YPEL1: variants seen among roughly 807,000 people sequenced by gnomAD.
YPEL1 encodes yippee like 1.
YPEL1 carries 7 observed loss-of-function variants against 17.3 expected under a neutral mutation model. The observed-to-expected ratio is 0.40, with a 90% CI of 0.23 to 0.76. The LOEUF (loss-of-function observed/expected upper bound fraction) is 0.76. YPEL1 is among the 30% of genes least tolerant of loss of function. The probability of loss-of-function intolerance (pLI) is 0.35; values close to 1 mark genes in which losing one functional copy is unlikely to be tolerated. For synonymous variants in YPEL1, 59 were observed against 59.6 expected (o/e 0.99, Z 0.05); for missense variants, 91 against 155.5 (o/e 0.59, Z 2.21).
intron 1 of YPEL1, among the ~76,000 whole-genome samples, chr22:21,719,750 G>A (rs548757648): frequency 1.3e-5 from 2 of 151,936 alleles, no homozygotes; most frequent in African/African-American, 2.4e-5. Context: ...CCAGGCGGCC[G>A]GACGCGGTGG....
Position 21,703,277 on chromosome 22 carries a change from G to A in YPEL1, c.270+93C>T. ...GGGGTTTCTGAAAGTGCTGTGACTG[G>A]TACCATGGGCCACACTGCACGGGGA... On this transcript the variant is annotated intron_variant, in intron 4 of 4. Transcript: ENST00000339468. The surrounding 1 kb of genome is among the most constrained non-coding windows in gnomAD (Gnocchi z 6.1). 1 of 1,112,978 alleles carries A rather than the reference G, an allele frequency of 9.0e-7. No individual in the cohort carries two copies. Among genetic ancestry groups the A allele is most frequent in the Non-Finnish European group, 1.3e-6 (1 of 742,368 alleles). The allele number at this position is 1,112,978 out of a possible 1,614,324, so 68.9% of individuals were successfully genotyped here.
chr22:21,716,198 C>T (rs989622623), intron 1 of YPEL1, among the ~76,000 whole-genome samples: 8 of 152,064 alleles, frequency 5.3e-5, no homozygotes, highest in Admixed American at 6.6e-5. Context: ...AGTGAGCCAC[C>T]GCGCCCAGAC....
intron 2 of YPEL1, 183 bp downstream of exon 2, chr22:21,710,445 G>C: frequency 1.6e-6 from 1 of 625,798 alleles, no homozygotes; most frequent in South Asian, 1.9e-5. Flanking sequence ...TCACATCTGA[G>C]ATCGTGGCAC....
chr22:21,703,499 C>A lies in YPEL1; in HGVS notation c.162-21G>T. The A allele has an allele frequency of 6.3e-7, 1 of 1,597,778 alleles. No individual in the cohort carries two copies. The highest frequency in any genetic ancestry group is 1.1e-5 in the South Asian group (1 of 90,934). ...TCACCCTGCGGGGACAGAGGGGCCACTGCGCTGCAGGCCCGGCCCGCCCCT... is the reference window on the plus strand; with the variant it reads ...TCACCCTGCGGGGACAGAGGGGCCAATGCGCTGCAGGCCCGGCCCGCCCCT... On this transcript the variant is annotated intron_variant, in intron 3 of 4. Transcript: ENST00000339468. This position sits in a 1 kb window ranked among gnomAD's most constrained non-coding sequence, Gnocchi z 6.1.
At chr22:21,733,768 C>T (rs2148617508) in intron 1 of YPEL1, among the ~76,000 whole-genome samples, 1 of 151,962 alleles carries the variant, frequency 6.6e-6, no homozygotes, top group East Asian at 1.9e-4. Context: ...AACAAACCAA[C>T]AAAAAAAGAA....
At chr22:21,702,885 T>C (rs1401601868) in intron 4 of YPEL1, among the ~76,000 whole-genome samples, 1 of 151,892 alleles carries the variant, frequency 6.6e-6, no homozygotes, top group Non-Finnish European at 1.5e-5. Flanking sequence ...GGAGAGGAGG[T>C]GGCGATTGCA....
chr22:21,698,324 C>G lies in YPEL1; in HGVS notation c.*2805G>C, dbSNP rs529401630. The G allele has an allele frequency of 5.3e-5, 8 of 150,962 alleles. No homozygotes were observed. In the South Asian group the frequency reaches 1.7e-3, roughly 32 times the overall value. The allele number at this position is 150,962 out of a possible 1,614,324, so 9.4% of individuals were successfully genotyped here. On this transcript the variant is annotated 3_prime_UTR_variant, in exon 5 of 5. Transcript: ENST00000339468. ...GTAAAAAATGTTCAATCAATGCCGTCACAAAAGACAGTACAAAAACCAAAG... is the reference window on the plus strand; with the variant it reads ...GTAAAAAATGTTCAATCAATGCCGTGACAAAAGACAGTACAAAAACCAAAG...
At chr22:21,735,342 G>A (rs2068425702) in intron 1 of YPEL1, among the ~76,000 whole-genome samples, 1 of 152,138 alleles carries the variant, frequency 6.6e-6, no homozygotes, top group Non-Finnish European at 1.5e-5. Flanking sequence ...TTCACGGCGG[G>A]GCGGGAGAAG....
At chr22:21,705,763 G>A (rs947154785) in intron 2 of YPEL1, among the ~76,000 whole-genome samples, 3 of 151,400 alleles carry the variant, frequency 2.0e-5, no homozygotes, top group East Asian at 1.9e-4. Context: ...GATTGCTTGA[G>A]CTCAGGAGTT....
chr22:21,719,058 C>T (rs749046688), intron 1 of YPEL1, among the ~76,000 whole-genome samples: 1 of 152,158 alleles, frequency 6.6e-6, no homozygotes, highest in Non-Finnish European at 1.5e-5. Flanking sequence ...AACTACTGGG[C>T]CCTTCATGAA....
At position 21,700,952 on chromosome 22, in the gene YPEL1, G is replaced by A. The variant is rs2068059084; in HGVS notation, c.*177C>T. On this transcript the variant is annotated 3_prime_UTR_variant, in exon 5 of 5. Coordinates refer to ENST00000339468, the MANE Select transcript of YPEL1 (RefSeq NM_013313.5). ...TCAGAAACAACTGTGTACACGAAGA[G>A]GACAGATCCGAGGGACACCTTACCC... The A allele has an allele frequency of 5.4e-6, 3 of 556,710 alleles. No individual in the cohort carries two copies. The highest frequency in any genetic ancestry group is 1.9e-5 in the African/African-American group (1 of 53,218). The allele number at this position is 556,710 out of a possible 1,614,324, so 34.5% of individuals were successfully genotyped here.
chr22:21,724,825 C>T (rs560381036), intron 1 of YPEL1, among the ~76,000 whole-genome samples: 2 of 152,184 alleles, frequency 1.3e-5, no homozygotes, highest in African/African-American at 4.8e-5. Flanking sequence ...GGCCATCCAC[C>T]CACCTTGGCC....
intron 1 of YPEL1, among the ~76,000 whole-genome samples, chr22:21,718,383 T>C (rs984561229): frequency 6.6e-6 from 1 of 151,654 alleles, no homozygotes; most frequent in Non-Finnish European, 1.5e-5. Context: ...GAGAATGGCG[T>C]GAACTCAGGA....
intron 1 of YPEL1, among the ~76,000 whole-genome samples, chr22:21,718,280 A>G (rs1171186547): frequency 2.0e-5 from 3 of 151,810 alleles, no homozygotes; most frequent in South Asian, 2.1e-4. Context: ...TGGCTAACAC[A>G]ATGAAACCCC....
At chr22:21,718,019 T>C (rs1187361719) in intron 1 of YPEL1, among the ~76,000 whole-genome samples, 1 of 151,376 alleles carries the variant, frequency 6.6e-6, no homozygotes, top group Non-Finnish European at 1.5e-5. Flanking sequence ...TGGTCCCAGC[T>C]ACTAGGGAGG....
rs1300386106 is a variant in YPEL1, at chr22:21,698,041, A to G, written c.*3088T>C. 1 of 152,292 alleles carries G rather than the reference A, an allele frequency of 6.6e-6. No individual in the cohort carries two copies. Among genetic ancestry groups the G allele is most frequent in the African/African-American group, 2.4e-5 (1 of 41,424 alleles). The allele number at this position is 152,292 out of a possible 1,614,324, so 9.4% of individuals were successfully genotyped here. On this transcript the variant is annotated 3_prime_UTR_variant, in exon 5 of 5. Transcript: ENST00000339468. ...GCACTGTGCCATTTATAACCCTGAC[A>G]TCACCTCCCAAGGCTCTCAAGGAAG... is the stretch of plus-strand genomic sequence containing the variant.
At chr22:21,729,812 T>A (rs2068370609) in intron 1 of YPEL1, among the ~76,000 whole-genome samples, 2 of 152,124 alleles carry the variant, frequency 1.3e-5, no homozygotes, top group Non-Finnish European at 2.9e-5. Flanking sequence ...TATCATCCTA[T>A]AATAATACTG....
intron 1 of YPEL1, among the ~76,000 whole-genome samples, chr22:21,719,097 C>T (rs1490450727): frequency 6.6e-6 from 1 of 152,176 alleles, no homozygotes; most frequent in African/African-American, 2.4e-5. Context: ...TTCCATCTGG[C>T]ATCTCTTCCA....
intron 1 of YPEL1, among the ~76,000 whole-genome samples, chr22:21,711,243 A>C (rs2068162952): frequency 1.3e-5 from 2 of 152,220 alleles, no homozygotes; most frequent in South Asian, 4.1e-4. Context: ...CCAACTCTTT[A>C]GTATCAATTG....
Sources: allele counts gnomAD v4.1 joint callset (sites outside exome capture counted in the v4.1 genomes callset), GRCh38; gene constraint gnomAD v4.1.1; non-coding constraint Gnocchi (gnomAD v3.1); transcripts MANE v1.5; gene names NCBI Gene and HGNC (gene_info 2026-07-23, HGNC 2026-07-21).